The following PRH1 variants were observed in gnomAD, a reference collection of about 807,000 sequenced individuals.
The protein encoded by PRH1 is salivary acidic proline-rich phosphoprotein 1/2.
In PRH1, 7 loss-of-function variants were observed where a neutral mutation model predicts 7.9. The ratio of observed to expected loss-of-function variants is 0.89; its 90% CI spans 0.50 to 1.67. The LOEUF (loss-of-function observed/expected upper bound fraction) is 1.67, where lower values mean the gene tolerates loss of function less well. PRH1 is among the 40% of genes most tolerant of loss of function. The pLI is 0.00. For synonymous variants in PRH1, 45 were observed against 80.8 expected, an observed-to-expected ratio of 0.56 and a Z score of 2.38; for missense variants, 109 against 223.6, an observed-to-expected ratio of 0.49 and a Z score of 3.27.
chr12:11,166,898 T>C (rs1242761798), intron 1 of PRH1, among the ~76,000 whole-genome samples: 3 of 152,218 alleles, frequency 2.0e-5, no homozygotes, highest in Non-Finnish European at 4.4e-5. Flanking sequence ...TTCTAGAAAC[T>C]ACCTGCAGAC....
intron 2 of PRH1, among the ~76,000 whole-genome samples, chr12:10,961,909 C>T (rs141115771): frequency 1.3e-3 from 203 of 152,322 alleles, no homozygotes; most frequent in African/African-American, 4.5e-3. Flanking sequence ...CATGCTGTCT[C>T]TCTCACCTTA....
chr12:11,122,965 A>G (rs1592055761), intron 1 of PRH1, among the ~76,000 whole-genome samples: 1 of 152,084 alleles, frequency 6.6e-6, no homozygotes, highest in Admixed American at 6.5e-5. Flanking sequence ...ACCTCTTATG[A>G]TAAGTACATC....
upstream of PRH1, among the ~76,000 whole-genome samples, chr12:10,884,663 T>C (rs1297245709): frequency 2.6e-5 from 4 of 152,220 alleles, no homozygotes; most frequent in Non-Finnish European, 4.4e-5. Context: ...ACAGTGAAGA[T>C]GGTCAATATC....
intron 1 of PRH1, among the ~76,000 whole-genome samples, chr12:11,045,527 T>C (rs1942872436): frequency 6.6e-6 from 1 of 152,128 alleles, no homozygotes; most frequent in African/African-American, 2.4e-5. Context: ...ACACATCTCA[T>C]GTACCCAATA....
intron 1 of PRH1, among the ~76,000 whole-genome samples, chr12:11,154,607 T>C (rs550818462): frequency 6.6e-6 from 1 of 152,324 alleles, no homozygotes; most frequent in African/African-American, 2.4e-5. Context: ...TGTCTTATTA[T>C]GCAGATGAAG....
At chr12:11,141,965 T>C (rs1012097373) in intron 1 of PRH1, among the ~76,000 whole-genome samples, 2 of 152,032 alleles carry the variant, frequency 1.3e-5, no homozygotes, top group African/African-American at 2.4e-5. Flanking sequence ...TTTTTTTTTA[T>C]TTTTTTATAG....
chr12:10,964,691 G>C (rs1186892834), intron 2 of PRH1: 1 of 631,546 alleles, frequency 1.6e-6, no homozygotes, highest in Non-Finnish European at 2.8e-6. Flanking sequence ...GTGGACCTTG[G>C]TGTTGGAATC....
At chr12:11,045,844 T>C (rs1031142638) in intron 1 of PRH1, among the ~76,000 whole-genome samples, 4 of 152,030 alleles carry the variant, frequency 2.6e-5, no homozygotes, top group Admixed American at 1.3e-4. Context: ...AGATAATTTC[T>C]AGTTAAGTTG....
chr12:11,098,864 A>C (rs149371180), intron 1 of PRH1, among the ~76,000 whole-genome samples: 1 of 152,272 alleles, frequency 6.6e-6, no homozygotes, highest in Non-Finnish European at 1.5e-5. Flanking sequence ...GAATGGAACA[A>C]ATTATTTTCT....
intron 1 of PRH1, among the ~76,000 whole-genome samples, chr12:11,114,372 G>T (rs1029702579): frequency 1.3e-5 from 2 of 152,022 alleles, no homozygotes; most frequent in Non-Finnish European, 2.9e-5. Flanking sequence ...GGATGAAGCT[G>T]GAAACCATCA....
At chr12:11,119,147 A>G (rs972668614), downstream of PRH1, among the ~76,000 whole-genome samples, 1 of 152,222 alleles carries the variant, frequency 6.6e-6, no homozygotes, top group African/African-American at 2.4e-5. Context: ...TAAGTAAAAA[A>G]TAACTGCAAT....
At chr12:10,911,759 A>G (rs866420535) in intron 2 of PRH1, among the ~76,000 whole-genome samples, 1 of 152,192 alleles carries the variant, frequency 6.6e-6, no homozygotes, top group Non-Finnish European at 1.5e-5. Context: ...ATTGTTACAT[A>G]TAACAAATAT....
Position 10,986,214 on chromosome 12 carries a change from G to A in PRH1, c.-125-12493C>T, listed in dbSNP as rs146930737. 8.1e-6 allele frequency: 13 copies of A among 1,613,948 alleles called. No individual in the cohort carries two copies. The highest frequency in any genetic ancestry group is 1.3e-5 in the African/African-American group (1 of 74,854). The stretch of plus-strand genomic sequence containing the variant: ...GTGGACCTTGGTGCTGAGATCTTGC[G>A]ATCCTTCTCCATGGAGCTGCATCTT... On this transcript the variant is annotated intron_variant, in intron 1 of 3. Coordinates refer to the PRH1 transcript ENST00000539853.
In PRH1 at chr12:11,004,781, CTT is replaced by C. The variant is rs1385101883; in HGVS notation, c.-125-31062_-125-31061del. ...TTTAATCAATCATTACGTCAAATGA[CTT>C]TGAGAAAATATGATTAGTTCATGGC... is the stretch of plus-strand genomic sequence containing the variant. On this transcript the variant is annotated intron_variant, in intron 1 of 3. Coordinates refer to the PRH1 transcript ENST00000539853. Among the ~76,000 whole-genome samples the C allele has an allele frequency of 2.0e-5, 3 of 151,920 alleles. No individual in the cohort carries two copies. The East Asian group carries it at 5.8e-4, about 29-fold the overall frequency.
In PRH1 at chr12:11,030,501, G is replaced by A. The variant is rs1220949283; in HGVS notation, c.-126+16519C>T. On this transcript the variant is annotated intron_variant, in intron 1 of 3. Transcript: ENST00000539853. Reference sequence around the variant, plus strand: ...TTTAGCTTCTTGTTTCCCCAAATCAGGATGAATGGGTGGATTGAAGGATAG... The same window carrying A: ...TTTAGCTTCTTGTTTCCCCAAATCAAGATGAATGGGTGGATTGAAGGATAG... 15 of 1,614,242 alleles carry A rather than the reference G, an allele frequency of 9.3e-6. No homozygotes were observed. In the African/African-American group the frequency reaches 2.0e-4, roughly 22 times the overall value.
In PRH1 at chr12:11,097,631, T is replaced by C. The variant is rs1185045204; in HGVS notation, n.124-50443A>G. 3.5e-5 allele frequency among the ~76,000 whole-genome samples: 4 copies of C among 114,820 alleles called. 2 individuals carry two copies. The highest frequency in any genetic ancestry group is 8.3e-5 in the Non-Finnish European group (4 of 48,324). 75.3% of individuals were successfully genotyped at this position (114,820 alleles called of 152,430 possible). ...GCTTGACTTGAACTTTGCTGTTTAC[T>C]ATTGTAACTTTCCCACAATGATGAT... On this transcript the variant is annotated intron_variant and non_coding_transcript_variant, in intron 1 of 4. Coordinates refer to the PRH1 transcript ENST00000541977.
At chr12:11,171,010 T>C (rs1003220351) in intron 1 of PRH1, among the ~76,000 whole-genome samples, 1 of 152,272 alleles carries the variant, frequency 6.6e-6, no homozygotes, top group East Asian at 1.9e-4. Context: ...ACAAATTTTG[T>C]GCCCTACGGC....
At position 11,006,479 on chromosome 12, in the gene PRH1, A is replaced by G. The variant is rs978909801; in HGVS notation, c.-125-32758T>C. 2.0e-5 allele frequency among the ~76,000 whole-genome samples: 3 copies of G among 149,626 alleles called. No individual in the cohort carries two copies. The Admixed American group carries it at 2.0e-4, about 10-fold the overall frequency. On this transcript the variant is annotated intron_variant, in intron 1 of 3. Transcript: ENST00000539853. ...AGTCTTGAACTCCTGGACACAAGTG[A>G]TACTCTTGCCTTCCTGCCTCAGCTT... is the stretch of plus-strand genomic sequence containing the variant.
chr12:11,136,682 T>C (rs2019629), intron 1 of PRH1, among the ~76,000 whole-genome samples: 69,171 of 152,034 alleles, frequency 0.45, 16,539 homozygotes, highest in Non-Finnish European at 0.53. Context: ...CACATATTTA[T>C]CACTTTCATT....
Sources: gnomAD v4.1 joint callset for allele counts (sites outside exome capture counted in the v4.1 genomes callset) on GRCh38, gnomAD v4.1.1 for gene constraint, MANE v1.5 for transcripts, NCBI Gene and HGNC (gene_info 2026-07-23, HGNC 2026-07-21) for gene names.